Variants in RASA2 observed in about 807,000 individuals in gnomAD.
RASA2 encodes RAS p21 protein activator 2, also known as ras GTPase-activating protein 2.
Under a neutral mutation model 118.2 loss-of-function variants are expected in RASA2, and 155 were observed. The ratio of observed to expected loss-of-function variants is 1.31; its 90% CI spans 1.15 to 1.50. RASA2 has a LOEUF of 1.50. Ranked by LOEUF, RASA2 falls within the 40% of genes most tolerant of loss-of-function variation. RASA2 has a pLI of 0.00. For missense variants in RASA2, 1,016 were observed against 1,009.6 expected (o/e 1.01, Z -0.09); for synonymous variants, 353 against 349.1 (o/e 1.01, Z -0.12).
intron 4 of RASA2, among the ~76,000 whole-genome samples, chr3:141,534,258 C>T (rs1309569072): frequency 6.6e-6 from 1 of 152,116 alleles, no homozygotes; most frequent in Non-Finnish European, 1.5e-5. Context: ...ATTAACCAGG[C>T]CGGGTATGGT....
chr3:141,513,556 A>G (rs1397299284), intron 2 of RASA2, among the ~76,000 whole-genome samples: 1 of 152,230 alleles, frequency 6.6e-6, no homozygotes, highest in African/African-American at 2.4e-5. Flanking sequence ...TTTTCATATC[A>G]TATTTGACTA....
intron 1 of RASA2, among the ~76,000 whole-genome samples, chr3:141,499,023 G>A (rs117388914): frequency 0.017 from 2,590 of 152,276 alleles, 145 homozygotes; most frequent in East Asian, 0.16. Flanking sequence ...ACTTGGTGAC[G>A]TATCTATATA....
intron 3 of RASA2, among the ~76,000 whole-genome samples, chr3:141,519,992 C>CTTTTCT (rs1228203602): frequency 4.2e-5 from 6 of 143,090 alleles, no homozygotes; most frequent in South Asian, 2.3e-4. Context: ...AGAACAATTT[C>CTTTTCT]TTTTCTTTTT....
Position 141,487,083 on chromosome 3 carries a change from C to G in RASA2, c.-1C>G. 3 of 1,353,924 alleles carry G rather than the reference C, an allele frequency of 2.2e-6. No individual in the cohort carries two copies. The highest frequency in any genetic ancestry group is 2.9e-6 in the Non-Finnish European group (3 of 1,040,040). The allele number at this position is 1,353,924 out of a possible 1,614,324, so 83.9% of individuals were successfully genotyped here. ...GGCTGCGGCACGGGCCGGGCGGCACCATGGCGGCGGCGGCGCCTGCTGCTG... is the reference window on the plus strand; with the variant it reads ...GGCTGCGGCACGGGCCGGGCGGCACGATGGCGGCGGCGGCGCCTGCTGCTG... On this transcript the variant is annotated 5_prime_UTR_variant, in exon 1 of 24. Transcript: ENST00000286364.
intron 1 of RASA2, among the ~76,000 whole-genome samples, chr3:141,488,986 A>G (rs990473969): frequency 6.6e-6 from 1 of 152,218 alleles, no homozygotes; most frequent in African/African-American, 2.4e-5. Flanking sequence ...GCCCCATGCC[A>G]AAGACCACTA....
intron 4 of RASA2, among the ~76,000 whole-genome samples, chr3:141,533,472 T>C (rs1016832751): frequency 2.6e-5 from 4 of 152,196 alleles, no homozygotes; most frequent in African/African-American, 9.6e-5. Context: ...AGGGTTCCCT[T>C]AGTTGTGAAG....
chr3:141,577,071 T>C lies in RASA2; in HGVS notation c.1555T>C (p.Ser519Pro). 6.2e-7 allele frequency: 1 copy of C among 1,610,840 alleles called. No individual in the cohort carries two copies. Among genetic ancestry groups the C allele is most frequent in the African/African-American group, 1.3e-5 (1 of 74,958 alleles). Residue 519 changes from serine (S) to proline (P), a missense_variant, in exon 15 of 24, where the codon TCA (serine) becomes CCA (proline). By Grantham distance (74) the Ser-to-Pro change is moderately conservative. Transcript: ENST00000286364. ...FLRFFAVAVVSPHTFHLRPHH... is the reference protein window; with the variant it reads ...FLRFFAVAVVPPHTFHLRPHH... ...TCGTTTCTTTGCTGTAGCCGTAGTA[T>C]CACCTCATACTTTTCATTTGCGACC...
At chr3:141,540,503 A>C (rs760777757) in intron 4 of RASA2, 30 bp from the exon 5 acceptor site, 1 of 1,540,506 alleles carries the variant, frequency 6.5e-7, no homozygotes, top group South Asian at 1.1e-5. Flanking sequence ...AAAATAGACT[A>C]CTCAGTTTGT....
intron 19 of RASA2, among the ~76,000 whole-genome samples, chr3:141,595,591 C>A (rs1373856304): frequency 6.6e-6 from 1 of 152,146 alleles, no homozygotes; most frequent in Non-Finnish European, 1.5e-5. Context: ...AATAGGACAT[C>A]TACAATTCTA....
At chr3:141,607,962 T>C (rs1315547650) in intron 20 of RASA2, among the ~76,000 whole-genome samples, 9 of 152,184 alleles carry the variant, frequency 5.9e-5, no homozygotes, top group Admixed American at 5.9e-4. Flanking sequence ...AACTCTGTCT[T>C]AAAATTGTCC....
intron 3 of RASA2, among the ~76,000 whole-genome samples, chr3:141,517,542 C>T (rs2082045036): frequency 1.3e-5 from 2 of 152,186 alleles, no homozygotes; most frequent in African/African-American, 2.4e-5. Context: ...GGGATGTCTG[C>T]CCCCATGATT....
At position 141,521,782 on chromosome 3, in the gene RASA2, A is replaced by G. The variant is rs919358031; in HGVS notation, c.355+5351A>G. On this transcript the variant is annotated intron_variant, in intron 3 of 23. Coordinates refer to ENST00000286364, the MANE Select transcript of RASA2 (RefSeq NM_006506.5). Reference sequence around the variant, plus strand: ...TCTTTTTCCTTTTGCATATAGAGTTATTATTAAACACACTACATACCCTTT... The same window carrying G: ...TCTTTTTCCTTTTGCATATAGAGTTGTTATTAAACACACTACATACCCTTT... Among the ~76,000 whole-genome samples the G allele has an allele frequency of 2.6e-5, 4 of 152,016 alleles. No individual in the cohort carries two copies. The East Asian group carries it at 5.8e-4, about 22-fold the overall frequency.
rs3075070 is a variant in RASA2, at chr3:141,490,335, CAAAAA to C, written c.133+3137_133+3141del. 4.7e-3 allele frequency among the ~76,000 whole-genome samples: 440 copies of C among 93,704 alleles called. 1 individual carries two copies. The highest frequency in any genetic ancestry group is 0.014 in the African/African-American group (398 of 28,020). 61.5% of individuals were successfully genotyped at this position (93,704 alleles called of 152,430 possible). A position where few individuals can be genotyped will look rare whatever the true frequency, so the allele number is the denominator to read the frequency against. ...ACATTTGCATGCTCCCTCCTCCCCT[CAAAAA>C]AAAAAAAAAAAAAAAAACCGTATTC... On this transcript the variant is annotated intron_variant, in intron 1 of 23. Coordinates refer to ENST00000286364, the MANE Select transcript of RASA2 (RefSeq NM_006506.5).
At chr3:141,504,903 A>G (rs2081841304) in intron 1 of RASA2, among the ~76,000 whole-genome samples, 1 of 152,006 alleles carries the variant, frequency 6.6e-6, no homozygotes, top group South Asian at 2.1e-4. Context: ...GTGCCAAACT[A>G]TCCTGTCTCA....
chr3:141,587,667 T>C (rs1415960185), intron 19 of RASA2, among the ~76,000 whole-genome samples: 6 of 145,146 alleles, frequency 4.1e-5, no homozygotes, highest in African/African-American at 1.6e-4. Context: ...TAAGCTGAGA[T>C]CTTGCCACTG....
In RASA2 at chr3:141,588,350, C is replaced by T. The variant is rs576729073; in HGVS notation, c.1933+1598C>T. Reference sequence around the variant, plus strand: ...AGCATAAATAAGTTTAGCAACAAACCCAATGGATATAGTAAGCAAAACAGC... The same window carrying T: ...AGCATAAATAAGTTTAGCAACAAACTCAATGGATATAGTAAGCAAAACAGC... On this transcript the variant is annotated intron_variant, in intron 19 of 23. Coordinates refer to ENST00000286364, the MANE Select transcript of RASA2 (RefSeq NM_006506.5). Among the ~76,000 whole-genome samples, 4 of 152,124 alleles carry T rather than the reference C, an allele frequency of 2.6e-5. No individual in the cohort carries two copies. The South Asian group carries it at 8.3e-4, about 31-fold the overall frequency.
chr3:141,489,985 G>C (rs1389422610), intron 1 of RASA2, among the ~76,000 whole-genome samples: 1 of 146,544 alleles, frequency 6.8e-6, no homozygotes, highest in South Asian at 2.2e-4. Context: ...TTTTTTTGCC[G>C]GGGGGCTGGG....
In RASA2 at chr3:141,537,154, C is replaced by T. The variant is rs368426813; in HGVS notation, c.451-3379C>T. 7.0e-4 allele frequency among the ~76,000 whole-genome samples: 106 copies of T among 152,232 alleles called. 3 individuals are homozygous for T. In the South Asian group the frequency reaches 0.021, roughly 31 times the overall value. On this transcript the variant is annotated intron_variant, in intron 4 of 23. Transcript: ENST00000286364. ...TGTCTTCTATCAGTTTTGGAAAATT[C>T]CAGGCAATTATCTTATCTCCTTTTT...
intron 4 of RASA2, among the ~76,000 whole-genome samples, chr3:141,539,303 G>A (rs1465774905): frequency 1.3e-5 from 2 of 152,134 alleles, no homozygotes; most frequent in African/African-American, 4.8e-5. Context: ...CCAGCTCCAC[G>A]TAACTGCTAT....
Sources: gnomAD v4.1 joint callset for allele counts (sites outside exome capture counted in the v4.1 genomes callset) on GRCh38, gnomAD v4.1.1 for gene constraint, MANE v1.5 for transcripts, NCBI Gene and HGNC (gene_info 2026-07-23, HGNC 2026-07-21) for gene names.